Variants in FBXL17 observed in about 807,000 individuals in gnomAD.
The protein encoded by FBXL17 is F-box and leucine rich repeat protein 17.
FBXL17 carries 22 observed loss-of-function variants against 66.2 expected under a neutral mutation model. The ratio of observed to expected loss-of-function variants is 0.33; its 90% confidence interval spans 0.24 to 0.47. The LOEUF (loss-of-function observed/expected upper bound fraction) is 0.47, where lower values mean the gene tolerates loss of function less well. Ranked by LOEUF, FBXL17 falls within the 20% of genes least tolerant of loss-of-function variation. The probability of loss-of-function intolerance (pLI) is 1.00; values close to 1 mark genes in which losing one functional copy is unlikely to be tolerated. For synonymous variants in FBXL17, 474 were observed against 400.5 expected, an observed-to-expected ratio of 1.18 and a Z score of -2.19; for missense variants, 878 against 948.2, an observed-to-expected ratio of 0.93 and a Z score of 0.97.
At chr5:108,073,373 T>C (rs1183922501) in intron 6 of FBXL17, among the ~76,000 whole-genome samples, 1 of 152,098 alleles carries the variant, frequency 6.6e-6, no homozygotes, top group African/African-American at 2.4e-5. Context: ...TGTTTCATTT[T>C]ATTTGTTACT....
intron 5 of FBXL17, among the ~76,000 whole-genome samples, chr5:108,217,830 C>G (rs1754674526): frequency 6.6e-6 from 1 of 152,022 alleles, no homozygotes; most frequent in African/African-American, 2.4e-5. Flanking sequence ...TTCTATGAGT[C>G]TGACTTTGTT....
At chr5:107,905,390 A>T (rs1749719470) in intron 7 of FBXL17, among the ~76,000 whole-genome samples, 1 of 152,116 alleles carries the variant, frequency 6.6e-6, no homozygotes, top group African/African-American at 2.4e-5. Flanking sequence ...CATTGTTCTG[A>T]TTAATTCCTT....
intron 4 of FBXL17, among the ~76,000 whole-genome samples, chr5:108,276,805 T>C (rs1383210674): frequency 6.6e-6 from 1 of 152,140 alleles, no homozygotes; most frequent in African/African-American, 2.4e-5. Context: ...TTAGACATTT[T>C]GAAATGATGT....
At chr5:108,202,784 C>G (rs1196539506) in intron 5 of FBXL17, among the ~76,000 whole-genome samples, 1 of 152,124 alleles carries the variant, frequency 6.6e-6, no homozygotes. Context: ...CAGTTTCGGC[C>G]TGTGGTTGAC....
chr5:108,263,949 C>A (rs148316651), intron 4 of FBXL17, among the ~76,000 whole-genome samples: 127 of 152,220 alleles, frequency 8.3e-4, no homozygotes, highest in African/African-American at 2.9e-3. Context: ...GGTGCAGTGG[C>A]TCACGCCTGT....
At chr5:107,927,360 T>G (rs1750558820) in intron 7 of FBXL17, among the ~76,000 whole-genome samples, 1 of 152,154 alleles carries the variant, frequency 6.6e-6, no homozygotes, top group African/African-American at 2.4e-5. Flanking sequence ...ATGGCTACTC[T>G]GACTCTAGAG....
At chr5:108,106,397 C>A (rs1749797788) in intron 6 of FBXL17, among the ~76,000 whole-genome samples, 1 of 152,144 alleles carries the variant, frequency 6.6e-6, no homozygotes, top group Non-Finnish European at 1.5e-5. Flanking sequence ...TACGTCCCAG[C>A]CATTCTACTC....
At chr5:107,880,631 CA>C in intron 8 of FBXL17, 3 of 1,135,068 alleles carry the variant, frequency 2.6e-6, no homozygotes, top group Non-Finnish European at 3.2e-6. Flanking sequence ...TGTGAAAAAC[CA>C]ATTTGGCACT....
intron 7 of FBXL17, among the ~76,000 whole-genome samples, chr5:107,953,128 C>T (rs1437941307): frequency 1.3e-5 from 2 of 151,946 alleles, no homozygotes; most frequent in African/African-American, 2.4e-5. Flanking sequence ...GTAGGCCGGG[C>T]GCTGTGGCTC....
chr5:107,994,034 A>C (rs1354734951), intron 7 of FBXL17, among the ~76,000 whole-genome samples: 1 of 152,152 alleles, frequency 6.6e-6, no homozygotes, highest in Non-Finnish European at 1.5e-5. Flanking sequence ...AATCATACTA[A>C]AATTATAATT....
At chr5:107,875,456 AT>A (rs1748592402) in intron 8 of FBXL17, among the ~76,000 whole-genome samples, 1 of 152,114 alleles carries the variant, frequency 6.6e-6, no homozygotes, top group Non-Finnish European at 1.5e-5. Flanking sequence ...TCTTACCATA[AT>A]TACTTCCTGA....
intron 4 of FBXL17, among the ~76,000 whole-genome samples, chr5:108,234,012 G>C (rs1271254086): frequency 6.6e-6 from 1 of 152,076 alleles, no homozygotes; most frequent in Non-Finnish European, 1.5e-5. Context: ...GAAATAATAG[G>C]CTTAGAAAAA....
intron 6 of FBXL17, among the ~76,000 whole-genome samples, chr5:108,080,965 A>G (rs1748738664): frequency 6.6e-6 from 1 of 152,204 alleles, no homozygotes; most frequent in African/African-American, 2.4e-5. Flanking sequence ...CTGGAAAGGG[A>G]AAGGGATTCT....
chr5:108,058,410 TTCTC>T (rs1422833095), intron 6 of FBXL17, among the ~76,000 whole-genome samples: 2 of 28,928 alleles, frequency 6.9e-5, no homozygotes, highest in Non-Finnish European at 1.5e-4. Context: ...CCTTCTTTCT[TTCTC>T]TTTCTTTCTT....
chr5:107,939,926 AAATAATTCTTACAGT>A (rs1751038324), intron 7 of FBXL17, among the ~76,000 whole-genome samples: 1 of 152,106 alleles, frequency 6.6e-6, no homozygotes, highest in Non-Finnish European at 1.5e-5. Context: ...TTCCTGTCAC[AAATAATTCTTACAGT>A]TCCATCCAGA....
intron 6 of FBXL17, among the ~76,000 whole-genome samples, chr5:108,054,830 G>A (rs1747622432): frequency 6.6e-6 from 1 of 152,116 alleles, no homozygotes; most frequent in Non-Finnish European, 1.5e-5. Context: ...AATCCAGGGA[G>A]CTTACCACCA....
At chr5:107,935,897 G>A (rs1750893966) in intron 7 of FBXL17, among the ~76,000 whole-genome samples, 1 of 152,112 alleles carries the variant, frequency 6.6e-6, no homozygotes, top group African/African-American at 2.4e-5. Context: ...CATGCCACCT[G>A]CTAATCAATT....
chr5:108,325,099 G>A (rs1290801831), intron 4 of FBXL17, among the ~76,000 whole-genome samples: 1 of 152,000 alleles, frequency 6.6e-6, no homozygotes, highest in African/African-American at 2.4e-5. Flanking sequence ...GCAAGATAAC[G>A]AGAGTTTTGG....
chr5:108,227,963 T>G (rs1207664485), intron 4 of FBXL17, among the ~76,000 whole-genome samples: 1 of 152,174 alleles, frequency 6.6e-6, no homozygotes. Context: ...AGTCTAACAT[T>G]AAGTTTTTCC....
Sources: gnomAD v4.1 joint callset for allele counts (sites outside exome capture counted in the v4.1 genomes callset) on GRCh38, gnomAD v4.1.1 for gene constraint, MANE v1.5 for transcripts, NCBI Gene and HGNC (gene_info 2026-07-23, HGNC 2026-07-21) for gene names.